Variants in CDH12 observed in about 807,000 individuals in gnomAD.
CDH12 encodes the protein cadherin 12.
In CDH12, 41 loss-of-function variants were observed where a neutral mutation model predicts 74.1. The observed-to-expected ratio is 0.55, with a 90% CI of 0.43 to 0.72. The LOEUF (loss-of-function observed/expected upper bound fraction) is 0.72, where lower values mean the gene tolerates loss of function less well. Ranked by LOEUF, CDH12 falls within the 30% of genes least tolerant of loss-of-function variation. The pLI is 0.00. For synonymous variants in CDH12, 399 were observed against 355.0 expected (o/e 1.12, Z -1.39); for missense variants, 945 against 977.2 (o/e 0.97, Z 0.44).
intron 3 of CDH12, among the ~76,000 whole-genome samples, chr5:22,328,719 C>A (rs1739225288): frequency 6.6e-6 from 1 of 152,076 alleles, no homozygotes; most frequent in African/African-American, 2.4e-5. Context: ...ATAGCTACAT[C>A]TGGCAATAAA....
At chr5:21,971,000 G>T (rs1561337861) in intron 6 of CDH12, among the ~76,000 whole-genome samples, 1 of 151,656 alleles carries the variant, frequency 6.6e-6, no homozygotes, top group Admixed American at 6.6e-5. Context: ...AAAGGCAAGG[G>T]AGTACCTGTT....
At chr5:22,654,270 C>A (rs986486606) in intron 1 of CDH12, among the ~76,000 whole-genome samples, 11 of 140,108 alleles carry the variant, frequency 7.9e-5, no homozygotes, top group Admixed American at 2.2e-4. Flanking sequence ...TGCTTTCTTT[C>A]TTTTACGTAT....
chr5:22,627,446 A>T (rs1478343026), intron 1 of CDH12, among the ~76,000 whole-genome samples: 1 of 37,984 alleles, frequency 2.6e-5, no homozygotes, highest in African/African-American at 1.3e-4. Context: ...CACTATTATT[A>T]AAAAAAAAAA....
At chr5:22,435,080 G>A (rs1284524464) in intron 2 of CDH12, among the ~76,000 whole-genome samples, 1 of 152,138 alleles carries the variant, frequency 6.6e-6, no homozygotes. Context: ...GTCTGTGAGG[G>A]TGTTGCCAAA....
Position 22,435,498 on chromosome 5 carries a change from A to ATGTGTG in CDH12, c.-427-30153_-427-30148dup, listed in dbSNP as rs56122496. The stretch of plus-strand genomic sequence containing the variant: ...CACATATATATGTATGTGTATATAT[A>ATGTGTG]TGTGTGTGTGTGTGTGTGTGTGTGT... On this transcript the variant is annotated intron_variant, in intron 2 of 14. Transcript: ENST00000382254. Among the ~76,000 whole-genome samples, 1,227 of 133,228 alleles carry ATGTGTG rather than the reference A, an allele frequency of 9.2e-3. 17 individuals are homozygous for ATGTGTG. The highest frequency in any genetic ancestry group is 0.029 in the African/African-American group (1,029 of 35,908). 87.4% of individuals were successfully genotyped at this position (133,228 alleles called of 152,430 possible). A position where few individuals can be genotyped will look rare whatever the true frequency, so the allele number is the denominator to read the frequency against.
chr5:22,083,255 A>G (rs1742856477), intron 4 of CDH12, among the ~76,000 whole-genome samples: 1 of 152,188 alleles, frequency 6.6e-6, no homozygotes, highest in Non-Finnish European at 1.5e-5. Flanking sequence ...AGGCCTGCAT[A>G]ATCGACCTCT....
chr5:22,586,837 A>AT (rs11417237), intron 1 of CDH12, among the ~76,000 whole-genome samples: 39,178 of 105,406 alleles, frequency 0.37, 7,378 homozygotes, highest in African/African-American at 0.43. Context: ...TTAGAGGAGG[A>AT]TTTTTTTTTT....
chr5:21,780,028 T>C (rs1358821507), intron 11 of CDH12, among the ~76,000 whole-genome samples: 2 of 152,156 alleles, frequency 1.3e-5, no homozygotes, highest in African/African-American at 4.8e-5. Flanking sequence ...GAGTAGATAG[T>C]GGAATTAACC....
chr5:22,382,616 A>T (rs1430247341), intron 3 of CDH12, among the ~76,000 whole-genome samples: 2 of 152,118 alleles, frequency 1.3e-5, no homozygotes, highest in Non-Finnish European at 2.9e-5. Context: ...GGTTGATAAC[A>T]TTAATAAAAC....
chr5:22,716,254 C>T (rs569997677), intron 1 of CDH12, among the ~76,000 whole-genome samples: 7 of 152,008 alleles, frequency 4.6e-5, no homozygotes, highest in Admixed American at 2.6e-4. Flanking sequence ...AGGAGCAGAG[C>T]CTTTACTGGA....
At chr5:22,834,972 T>C (rs1407012990) in intron 1 of CDH12, among the ~76,000 whole-genome samples, 1 of 152,098 alleles carries the variant, frequency 6.6e-6, no homozygotes, top group Non-Finnish European at 1.5e-5. Context: ...CACTATGGAA[T>C]ATAAGCTTAG....
chr5:22,427,762 A>T (rs1034303084), intron 2 of CDH12, among the ~76,000 whole-genome samples: 4 of 152,160 alleles, frequency 2.6e-5, no homozygotes, highest in African/African-American at 9.6e-5. Flanking sequence ...GGAGGAGAGA[A>T]GGCGGAGAAA....
intron 14 of CDH12, 66 bp downstream of exon 14, chr5:21,755,523 GGA>G (rs1042824638): frequency 1.4e-5 from 19 of 1,388,572 alleles, no homozygotes; most frequent in African/African-American, 2.9e-5. Context: ...GAGAGATGGA[GGA>G]GAGAGAGGGG....
At chr5:22,234,990 A>G (rs1752513484) in intron 3 of CDH12, among the ~76,000 whole-genome samples, 1 of 152,174 alleles carries the variant, frequency 6.6e-6, no homozygotes, top group Admixed American at 6.5e-5. Flanking sequence ...CAGTTAGTTC[A>G]TGGTGTGTGA....
At chr5:22,666,343 G>T (rs1740620559) in intron 1 of CDH12, among the ~76,000 whole-genome samples, 1 of 136,766 alleles carries the variant, frequency 7.3e-6, no homozygotes, top group African/African-American at 2.7e-5. Context: ...AGGCTGGAGT[G>T]CAGTGGCACG....
At chr5:22,123,658 C>T (rs1163110759) in intron 4 of CDH12, among the ~76,000 whole-genome samples, 1 of 152,124 alleles carries the variant, frequency 6.6e-6, no homozygotes, top group Non-Finnish European at 1.5e-5. Context: ...TATTTTAAAA[C>T]TTTGAAAAGA....
chr5:21,834,933 A>G (rs1749446977), intron 8 of CDH12, among the ~76,000 whole-genome samples: 2 of 152,002 alleles, frequency 1.3e-5, no homozygotes. Flanking sequence ...CTTTCACAGT[A>G]CTTGCTACCA....
chr5:22,834,654 A>C (rs1396130869), intron 1 of CDH12, among the ~76,000 whole-genome samples: 1 of 152,170 alleles, frequency 6.6e-6, no homozygotes, highest in Non-Finnish European at 1.5e-5. Context: ...CAATTAATTT[A>C]TTACTAATAT....
intron 1 of CDH12, chr5:22,580,390 C>A (rs1740022389): frequency 4.1e-6 from 2 of 486,140 alleles, no homozygotes; most frequent in Admixed American, 2.2e-5. Flanking sequence ...TGGTCCCCAT[C>A]GTAGGGTGGG....
Sources: allele counts gnomAD v4.1 joint callset (sites outside exome capture counted in the v4.1 genomes callset), GRCh38; gene constraint gnomAD v4.1.1; transcripts MANE v1.5; gene names NCBI Gene and HGNC (gene_info 2026-07-23, HGNC 2026-07-21).